The following LTBP2 variants were observed in gnomAD, a reference collection of about 807,000 sequenced individuals.
LTBP2 encodes latent transforming growth factor beta binding protein 2.
A neutral mutation model predicts 210.6 loss-of-function variants in LTBP2; 103 were observed. The ratio of observed to expected loss-of-function variants is 0.49; its 90% CI spans 0.42 to 0.58. The LOEUF is 0.58. LTBP2 is among the 20% of genes least tolerant of loss of function. LTBP2 has a pLI of 0.00. For missense variants in LTBP2, 2,313 were observed against 2,494.5 expected, an observed-to-expected ratio of 0.93 and a Z score of 1.55; for synonymous variants, 1,007 against 1,015.0, an observed-to-expected ratio of 0.99 and a Z score of 0.15.
intron 13 of LTBP2, 25 bp from the exon 14 acceptor site, chr14:74,526,139 CT>C: frequency 6.3e-7 from 1 of 1,586,164 alleles, no homozygotes; most frequent in Non-Finnish European, 8.6e-7. Context: ...GAGAAGGTCA[CT>C]TTTGGCTCCT....
In LTBP2 at chr14:74,540,831, ATATATATTTATATATATTATATATAT is replaced by A. The variant is rs1457632225; in HGVS notation, c.1790-4857_1790-4832del. Among the ~76,000 whole-genome samples, 3 of 8,792 alleles carry A rather than the reference ATATATATTTATATATATTATATATAT, an allele frequency of 3.4e-4. 1 individual carries two copies. Among genetic ancestry groups the A allele is most frequent in the Admixed American group, 2.2e-3 (1 of 452 alleles). The allele number at this position is 8,792 out of a possible 152,430, so 5.8% of individuals were successfully genotyped here. A position where few individuals can be genotyped will look rare whatever the true frequency, so the allele number is the denominator to read the frequency against. ...TATAATATATATATATTTTTATATA[ATATATATTTATATATATTATATATAT>A]TATATATATTTATATATATAATATA... On this transcript the variant is annotated intron_variant, in intron 8 of 35. Transcript: ENST00000261978.
intron 3 of LTBP2, among the ~76,000 whole-genome samples, chr14:74,562,240 A>C (rs1443167830): frequency 6.6e-6 from 1 of 151,962 alleles, no homozygotes; most frequent in African/African-American, 2.4e-5. Flanking sequence ...AAAAGAAAAG[A>C]AAAATAACAT....
intron 6 of LTBP2, 44 bp downstream of exon 6, chr14:74,552,143 C>T: frequency 1.3e-6 from 2 of 1,540,938 alleles, no homozygotes; most frequent in African/African-American, 1.4e-5. Context: ...ACCCAACTGG[C>T]ACTCCTCCCA....
intron 12 of LTBP2, among the ~76,000 whole-genome samples, chr14:74,527,859 C>G (rs2087294077): frequency 6.6e-6 from 1 of 152,240 alleles, no homozygotes. Flanking sequence ...AACTGGGGCT[C>G]TGTCCTCACT....
rs1409223850 is a variant in LTBP2 at position 74,516,936 on chromosome 14, T to C, written c.2794A>G (p.Asn932Asp). ...CACACCCCTGGCTGCTCACACTCAT[T>C]GATATCTGTGAACACACAGAAAAGC... Reference protein sequence around the residue: ...SGATQECQDINECEQPGVCSG... With the variant: ...SGATQECQDIDECEQPGVCSG... The change falls in exon 18 of 36, where the codon AAT (asparagine) becomes GAT (aspartate). Residue 932 changes from asparagine to aspartate, a missense_variant. Coordinates refer to ENST00000261978, the MANE Select transcript of LTBP2 (RefSeq NM_000428.3). 7 of 1,551,484 alleles carry C rather than the reference T, an allele frequency of 4.5e-6. No individual in the cohort carries two copies. The East Asian group carries it at 7.3e-5, about 16-fold the overall frequency.
chr14:74,560,391 C>T (rs1231765483), intron 3 of LTBP2, among the ~76,000 whole-genome samples: 1 of 152,230 alleles, frequency 6.6e-6, no homozygotes, highest in Non-Finnish European at 1.5e-5. Flanking sequence ...CAACTGTGGA[C>T]TCTGGGCTTT....
At chr14:74,556,742 T>C (rs1222848965) in intron 3 of LTBP2, among the ~76,000 whole-genome samples, 1 of 152,236 alleles carries the variant, frequency 6.6e-6, no homozygotes, top group Non-Finnish European at 1.5e-5. Flanking sequence ...CGTCTTGAAC[T>C]CCTGGCCTCA....
chr14:74,530,076 G>A (rs949401184), intron 10 of LTBP2, among the ~76,000 whole-genome samples: 4 of 152,178 alleles, frequency 2.6e-5, no homozygotes, highest in Admixed American at 1.3e-4. Context: ...TGATTCCATC[G>A]CAGGGGACAC....
chr14:74,517,566 T>C (rs937700461), intron 17 of LTBP2, among the ~76,000 whole-genome samples: 5 of 152,010 alleles, frequency 3.3e-5, no homozygotes, highest in African/African-American at 1.2e-4. Flanking sequence ...AGAGATGAGG[T>C]TTCACTATGT....
chr14:74,602,141 A>G (rs962518192), intron 2 of LTBP2, among the ~76,000 whole-genome samples: 2 of 152,172 alleles, frequency 1.3e-5, no homozygotes, highest in South Asian at 4.1e-4. Context: ...GAAGCCCAGG[A>G]GATCGGAGCC....
rs1379044418 is a variant in LTBP2, at chr14:74,536,152, C to A, written c.1790-152G>T. 18 of 712,762 alleles carry A rather than the reference C, an allele frequency of 2.5e-5. No individual in the cohort carries two copies. The East Asian group carries it at 4.8e-4, about 19-fold the overall frequency. 44.2% of individuals were successfully genotyped at this position (712,762 alleles called of 1,614,324 possible). On this transcript the variant is annotated intron_variant, in intron 8 of 35. Coordinates refer to ENST00000261978, the MANE Select transcript of LTBP2 (RefSeq NM_000428.3). Reference sequence around the variant, plus strand: ...CCATCGCCCTGGGCAGCTGTGCTTCCTGGTTCTCACCAGACTCCTCTCAGC... The same window carrying A: ...CCATCGCCCTGGGCAGCTGTGCTTCATGGTTCTCACCAGACTCCTCTCAGC...
At chr14:74,551,990 C>T (rs145602188) in intron 6 of LTBP2, among the ~76,000 whole-genome samples, 197 bp downstream of exon 6, 1 of 152,078 alleles carries the variant, frequency 6.6e-6, no homozygotes, top group Non-Finnish European at 1.5e-5. Flanking sequence ...AAAAACAAGT[C>T]GATAAATTCC....
chr14:74,560,770 T>G (rs929559518), intron 3 of LTBP2, among the ~76,000 whole-genome samples: 1 of 152,104 alleles, frequency 6.6e-6, no homozygotes, highest in Non-Finnish European at 1.5e-5. Flanking sequence ...CAATGAAAAA[T>G]AATACAAATA....
chr14:74,583,501 G>C (rs1285651589), intron 3 of LTBP2, among the ~76,000 whole-genome samples: 1 of 152,238 alleles, frequency 6.6e-6, no homozygotes, highest in African/African-American at 2.4e-5. Context: ...GGCTGGCCTG[G>C]AGGCTGCAGC....
At chr14:74,605,375 T>C (rs2088510697) in intron 1 of LTBP2, among the ~76,000 whole-genome samples, 1 of 151,866 alleles carries the variant, frequency 6.6e-6, no homozygotes, top group Non-Finnish European at 1.5e-5. Flanking sequence ...CAGCCAAGAG[T>C]TGTGCCACTT....
intron 33 of LTBP2, 119 bp downstream of exon 33, chr14:74,503,100 A>G: frequency 6.6e-7 from 1 of 1,514,228 alleles, no homozygotes; most frequent in Non-Finnish European, 9.0e-7. Flanking sequence ...AACAGCAGGG[A>G]TGGAAGACAG....
chr14:74,509,474 C>G (rs961632110), intron 21 of LTBP2, 111 bp from the exon 22 acceptor site: 3 of 1,509,050 alleles, frequency 2.0e-6, no homozygotes, highest in Admixed American at 1.7e-5. Context: ...TTCCTAAAAC[C>G]CCCTCCCTAG....
intron 2 of LTBP2, among the ~76,000 whole-genome samples, chr14:74,595,999 C>T (rs971423411): frequency 3.0e-4 from 46 of 152,022 alleles, no homozygotes; most frequent in Non-Finnish European, 5.6e-4. Flanking sequence ...GTGTTCAAGA[C>T]CAGTCTGGCC....
At chr14:74,505,596 C>T (rs1197489093) in intron 28 of LTBP2, among the ~76,000 whole-genome samples, 1 of 152,114 alleles carries the variant, frequency 6.6e-6, no homozygotes, top group African/African-American at 2.4e-5. Flanking sequence ...CCTCACTTTC[C>T]CCCAAGGCAG....
Sources: gnomAD v4.1 joint callset for allele counts (sites outside exome capture counted in the v4.1 genomes callset) on GRCh38, gnomAD v4.1.1 for gene constraint, MANE v1.5 for transcripts, NCBI Gene and HGNC (gene_info 2026-07-23, HGNC 2026-07-21) for gene names.